Variants in MEF2C observed in about 807,000 individuals in gnomAD.
MEF2C encodes the protein myocyte-specific enhancer factor 2C.
MEF2C carries 6 observed loss-of-function variants against 50.5 expected under a neutral mutation model. That is an observed-to-expected ratio of 0.12 (90% CI 0.07 to 0.23). The LOEUF (loss-of-function observed/expected upper bound fraction) is 0.23, where lower values mean the gene tolerates loss of function less well. Among genes scored for constraint, MEF2C ranks in the 10% least tolerant of loss-of-function variants. The pLI, the probability that MEF2C is intolerant of heterozygous loss-of-function variation, is 1.00. For missense variants in MEF2C, 276 were observed against 605.0 expected, an observed-to-expected ratio of 0.46 and a Z score of 5.70; for synonymous variants, 183 against 228.0, an observed-to-expected ratio of 0.80 and a Z score of 1.78.
At chr5:88,874,002 C>T (rs1830356816) in intron 1 of MEF2C, among the ~76,000 whole-genome samples, 1 of 151,794 alleles carries the variant, frequency 6.6e-6, no homozygotes, top group Non-Finnish European at 1.5e-5. Context: ...AAAAGATCTA[C>T]TTTTTTAACC....
At chr5:88,879,244 A>T (rs966582230) in intron 1 of MEF2C, among the ~76,000 whole-genome samples, 1 of 151,872 alleles carries the variant, frequency 6.6e-6, no homozygotes, top group African/African-American at 2.4e-5. Context: ...AAATTACTGT[A>T]AAGTTGGGTG....
At chr5:88,808,578 A>G (rs569711149) in intron 2 of MEF2C, among the ~76,000 whole-genome samples, 1 of 152,300 alleles carries the variant, frequency 6.6e-6, no homozygotes, top group Admixed American at 6.5e-5. Context: ...TAAAACTGCA[A>G]ACTGAAATGA....
intron 2 of MEF2C, among the ~76,000 whole-genome samples, chr5:88,821,630 A>C (rs1336620594): frequency 6.6e-6 from 1 of 151,854 alleles, no homozygotes; most frequent in Non-Finnish European, 1.5e-5. Context: ...CATTATGTTA[A>C]GTGAAATAAG....
chr5:88,876,535 A>C (rs1831114536), intron 1 of MEF2C, among the ~76,000 whole-genome samples: 1 of 152,120 alleles, frequency 6.6e-6, no homozygotes, highest in East Asian at 1.9e-4. Flanking sequence ...AAAAAGTATA[A>C]ATCGCGTGTT....
intron 10 of MEF2C, among the ~76,000 whole-genome samples, chr5:88,723,930 G>A (rs254780): frequency 6.6e-6 from 1 of 151,974 alleles, no homozygotes; most frequent in African/African-American, 2.4e-5. Context: ...GAGGAAAAAA[G>A]TATTAAGCCC....
At chr5:88,883,261 G>C (rs1833530865), upstream of MEF2C, 2 of 152,122 alleles carry the variant, frequency 1.3e-5, no homozygotes, top group South Asian at 2.0e-4. Context: ...CGAGGGGGGG[G>C]GCGCGGGGCC....
chr5:88,833,505 G>C (rs2153233642), intron 1 of MEF2C, among the ~76,000 whole-genome samples: 1 of 152,236 alleles, frequency 6.6e-6, no homozygotes, highest in East Asian at 1.9e-4. Flanking sequence ...ACTCAGCACT[G>C]TAGTGACGTG....
At chr5:88,879,505 G>A (rs541670092) in intron 1 of MEF2C, among the ~76,000 whole-genome samples, 217 of 151,832 alleles carry the variant, frequency 1.4e-3, no homozygotes, top group African/African-American at 4.2e-3. Context: ...ATAACATAAT[G>A]GATATTGACT....
At chr5:88,738,876 G>A (rs2152387294) in intron 6 of MEF2C, 1 of 985,214 alleles carries the variant, frequency 1.0e-6, no homozygotes, top group Non-Finnish European at 1.2e-6. Context: ...GTCTCTTTCT[G>A]GATAAATAAA....
At chr5:88,733,442 C>A in intron 6 of MEF2C, 1 of 985,194 alleles carries the variant, frequency 1.0e-6, no homozygotes, top group Non-Finnish European at 1.2e-6. Flanking sequence ...TGACACAGAC[C>A]TCTAAGTGGT....
chr5:88,778,337 A>G (rs1785956851), intron 3 of MEF2C, among the ~76,000 whole-genome samples: 1 of 152,154 alleles, frequency 6.6e-6, no homozygotes, highest in South Asian at 2.1e-4. Context: ...ACTAGCAAGA[A>G]CCTCAAGTCT....
intron 3 of MEF2C, among the ~76,000 whole-genome samples, chr5:88,762,739 C>CA (rs1778424184): frequency 6.6e-6 from 1 of 151,970 alleles, no homozygotes; most frequent in Non-Finnish European, 1.5e-5. Context: ...CTGGTACCAC[C>CA]AAGATCCGTT....
intron 1 of MEF2C, among the ~76,000 whole-genome samples, chr5:88,851,233 C>CAAAAAAAAAAAAA (rs35458971): frequency 9.4e-6 from 1 of 106,852 alleles, no homozygotes; most frequent in Non-Finnish European, 1.8e-5. Context: ...CTCCATCTCA[C>CAAAAAAAAAAAAA]AAAAAAAAAA....
intron 1 of MEF2C, among the ~76,000 whole-genome samples, chr5:88,836,963 A>G (rs1169073560): frequency 1.3e-5 from 2 of 149,472 alleles, no homozygotes; most frequent in African/African-American, 4.9e-5. Context: ...AGTGGATTCC[A>G]GAGATTACTG....
At chr5:88,824,270 A>C (rs1420104713) in intron 1 of MEF2C, 61 of 984,660 alleles carry the variant, frequency 6.2e-5, no homozygotes, top group Non-Finnish European at 7.2e-5. Flanking sequence ...CCCGTTATGA[A>C]AAATTACCTA....
intron 1 of MEF2C, among the ~76,000 whole-genome samples, chr5:88,868,758 ACAAAG>A (rs1263651537): frequency 6.6e-6 from 1 of 152,170 alleles, no homozygotes; most frequent in Non-Finnish European, 1.5e-5. Flanking sequence ...ATTACCCAAA[ACAAAG>A]CAATGAAATT....
intron 3 of MEF2C, among the ~76,000 whole-genome samples, chr5:88,778,949 G>A (rs1786297238): frequency 6.6e-6 from 1 of 152,248 alleles, no homozygotes; most frequent in South Asian, 2.1e-4. Flanking sequence ...CACAGTCACT[G>A]ACTCTGCTTC....
At chr5:88,743,556 A>T (rs1394817273) in intron 6 of MEF2C, 1 of 979,142 alleles carries the variant, frequency 1.0e-6, no homozygotes, top group Non-Finnish European at 1.2e-6. Flanking sequence ...AAATTTTATG[A>T]TTATATTATC....
intron 3 of MEF2C, among the ~76,000 whole-genome samples, chr5:88,777,899 CT>C (rs57841792): frequency 5.0e-4 from 39 of 77,320 alleles, no homozygotes; most frequent in African/African-American, 1.3e-3. Context: ...TTTTTCTTTT[CT>C]TTTTTTTTTT....
Sources: gnomAD v4.1 joint callset for allele counts (sites outside exome capture counted in the v4.1 genomes callset) on GRCh38, gnomAD v4.1.1 for gene constraint, MANE v1.5 for transcripts, NCBI Gene and HGNC (gene_info 2026-07-23, HGNC 2026-07-21) for gene names.